INVS: variants seen among roughly 807,000 people sequenced by gnomAD.
INVS encodes the protein inversion of embryo turning homolog.
Under a neutral mutation model 108.8 loss-of-function variants are expected in INVS, and 86 were observed. That is an observed-to-expected ratio of 0.79 (90% CI 0.66 to 0.95). The LOEUF (loss-of-function observed/expected upper bound fraction) is 0.95, where lower values mean the gene tolerates loss of function less well. Ranked by LOEUF, INVS falls within the 40% of genes least tolerant of loss-of-function variation. INVS has a pLI of 0.00. For synonymous variants in INVS, 455 were observed against 473.5 expected (o/e 0.96, Z 0.51); for missense variants, 1,169 against 1,297.4 (o/e 0.90, Z 1.52).
intron 3 of INVS, chr9:100,214,837 A>C (rs1426920245): frequency 6.6e-6 from 1 of 152,208 alleles, no homozygotes; most frequent in Admixed American, 6.5e-5. Flanking sequence ...TTTTGCCAGG[A>C]TGCACTTGCG....
intron 12 of INVS, among the ~76,000 whole-genome samples, chr9:100,280,332 T>C (rs1833237070): frequency 6.6e-6 from 1 of 152,210 alleles, no homozygotes; most frequent in Non-Finnish European, 1.5e-5. Flanking sequence ...GGACCTGAAA[T>C]AGATGTTGTC....
rs1833953606 is a variant in INVS at position 100,301,138 on chromosome 9, A to ACC, written c.*464_*465insCC. ...TCCTGGCATCTAATGCAACAAACTT[A>ACC]TCACACACACACACACACACACACA... is the stretch of plus-strand genomic sequence containing the variant. On this transcript the variant is annotated 3_prime_UTR_variant, in exon 17 of 17. Coordinates refer to ENST00000262457, the MANE Select transcript of INVS (RefSeq NM_014425.5). 1 of 141,934 alleles carries ACC rather than the reference A, an allele frequency of 7.0e-6. No individual in the cohort carries two copies. The allele number at this position is 141,934 out of a possible 1,614,324, so 8.8% of individuals were successfully genotyped here. A position where few individuals can be genotyped will look rare whatever the true frequency, so the allele number is the denominator to read the frequency against.
chr9:100,184,162 A>T (rs564341648), intron 3 of INVS, among the ~76,000 whole-genome samples: 1 of 152,314 alleles, frequency 6.6e-6, no homozygotes, highest in East Asian at 1.9e-4. Context: ...TTTTAAAGGA[A>T]TTCTTAAAAA....
intron 1 of INVS, among the ~76,000 whole-genome samples, chr9:100,101,025 T>TTA (rs973040485): frequency 1.2e-5 from 1 of 85,440 alleles, no homozygotes; most frequent in Non-Finnish European, 2.2e-5. Flanking sequence ...TGTATATATA[T>TTA]TATATATATT....
chr9:100,300,466 G>A (rs967136953), intron 16 of INVS, 102 bp from the exon 17 acceptor site: 9 of 787,200 alleles, frequency 1.1e-5, no homozygotes, highest in Non-Finnish European at 2.0e-5. Flanking sequence ...TCATCCCAGG[G>A]ATAGCCTAAA....
chr9:100,276,371 C>G (rs1338126), intron 12 of INVS, among the ~76,000 whole-genome samples: 79,387 of 152,030 alleles, frequency 0.52, 21,638 homozygotes, highest in African/African-American at 0.57. Context: ...CATGCAAATG[C>G]AAGCAGCCCA....
chr9:100,194,530 T>C lies in INVS; in HGVS notation c.274-31532T>C, dbSNP rs1830317925. On this transcript the variant is annotated intron_variant, in intron 3 of 16. Coordinates refer to ENST00000262457, the MANE Select transcript of INVS (RefSeq NM_014425.5). ...TTTTTTTTTCAAATCTTTATGCCCT[T>C]CTTTCCTCCCTTCTTTCCTTTCTTC... Among the ~76,000 whole-genome samples the C allele has an allele frequency of 2.0e-5, 3 of 152,218 alleles. No homozygotes were observed. The South Asian group carries it at 6.2e-4, about 32-fold the overall frequency.
At chr9:100,141,094 G>A (rs1303503176) in intron 3 of INVS, among the ~76,000 whole-genome samples, 1 of 152,134 alleles carries the variant, frequency 6.6e-6, no homozygotes, top group African/African-American at 2.4e-5. Context: ...ACAAGAGCAG[G>A]GCATGTGTGA....
intron 2 of INVS, among the ~76,000 whole-genome samples, chr9:100,109,816 CCA>C (rs1229312882): frequency 2.0e-5 from 3 of 152,188 alleles, no homozygotes; most frequent in Admixed American, 1.3e-4. Flanking sequence ...CAGGCATGTG[CCA>C]CCATGCCCGG....
chr9:100,183,694 G>A (rs1829963255), intron 3 of INVS, among the ~76,000 whole-genome samples: 2 of 151,134 alleles, frequency 1.3e-5, no homozygotes, highest in South Asian at 4.2e-4. Flanking sequence ...GGGAGGCTGA[G>A]GCATGAGAAT....
intron 2 of INVS, among the ~76,000 whole-genome samples, chr9:100,113,694 G>A (rs1827418685): frequency 6.6e-6 from 1 of 151,938 alleles, no homozygotes; most frequent in African/African-American, 2.4e-5. Flanking sequence ...ATGATATTTA[G>A]CATATGCATT....
intron 3 of INVS, among the ~76,000 whole-genome samples, chr9:100,200,572 T>G (rs1171604097): frequency 6.6e-6 from 1 of 152,224 alleles, no homozygotes; most frequent in African/African-American, 2.4e-5. Context: ...GGCATGGCCC[T>G]TCTGAGATTT....
At chr9:100,244,275 AT>A (rs1307846771) in intron 7 of INVS, among the ~76,000 whole-genome samples, 1 of 152,158 alleles carries the variant, frequency 6.6e-6, no homozygotes, top group East Asian at 1.9e-4. Flanking sequence ...GCTTTTTCTT[AT>A]TACAAATAGA....
intron 3 of INVS, 103 bp from the exon 4 acceptor site, chr9:100,225,959 T>C: frequency 1.3e-6 from 1 of 752,798 alleles, no homozygotes; most frequent in Non-Finnish European, 2.2e-6. Context: ...CTGGATGTTA[T>C]TACTCTAGGA....
At chr9:100,288,759 C>CAT (rs1314859065) in intron 13 of INVS, among the ~76,000 whole-genome samples, 3 of 151,900 alleles carry the variant, frequency 2.0e-5, no homozygotes, top group African/African-American at 7.3e-5. Flanking sequence ...TGGCTAGGAC[C>CAT]ATAGGTGTGC....
chr9:100,135,492 G>A (rs1195420972), intron 3 of INVS, among the ~76,000 whole-genome samples: 1 of 152,238 alleles, frequency 6.6e-6, no homozygotes. Flanking sequence ...TGGTGATGAT[G>A]TAGGCAACAC....
At chr9:100,138,324 T>G (rs1000188256) in intron 3 of INVS, among the ~76,000 whole-genome samples, 1 of 152,138 alleles carries the variant, frequency 6.6e-6, no homozygotes, top group East Asian at 1.9e-4. Context: ...GAGAATCGCT[T>G]GAACCCAGTG....
chr9:100,175,733 C>T (rs1588062360), intron 3 of INVS: 2 of 629,844 alleles, frequency 3.2e-6, no homozygotes, highest in East Asian at 7.2e-5. Context: ...TGCAGAGCAA[C>T]CAGACCTGTA....
chr9:100,223,054 G>A (rs1169403881), intron 3 of INVS, among the ~76,000 whole-genome samples: 3 of 151,392 alleles, frequency 2.0e-5, no homozygotes, highest in Non-Finnish European at 4.4e-5. Flanking sequence ...ATCTAATATA[G>A]CAACTGTAAA....
Sources: allele counts gnomAD v4.1 joint callset (sites outside exome capture counted in the v4.1 genomes callset), GRCh38; gene constraint gnomAD v4.1.1; transcripts MANE v1.5; gene names NCBI Gene and HGNC (gene_info 2026-07-23, HGNC 2026-07-21).